PRRC1: variants seen among roughly 807,000 people sequenced by gnomAD.
PRRC1 encodes protein PRRC1.
Under a neutral mutation model 40.7 loss-of-function variants are expected in PRRC1, and 39 were observed. The ratio of observed to expected loss-of-function variants is 0.96; its 90% CI spans 0.74 to 1.25. The LOEUF is 1.25. Ranked by LOEUF, PRRC1 falls within the 50% of genes most tolerant of loss-of-function variation. PRRC1 has a pLI of 0.00. For missense variants in PRRC1, 573 were observed against 548.3 expected (o/e 1.05, Z -0.45); for synonymous variants, 175 against 193.3 (o/e 0.91, Z 0.79).
chr5:127,548,258 T>C (rs773808672), intron 8 of PRRC1: 18 of 479,608 alleles, frequency 3.8e-5, no homozygotes, highest in Non-Finnish European at 5.9e-5. Context: ...TTCCCTTTTA[T>C]CTCACATTTC....
Position 127,530,397 on chromosome 5 carries a change from G to C in PRRC1, c.757+1G>C. 1 of 1,610,614 alleles carries C rather than the reference G, an allele frequency of 6.2e-7. No individual in the cohort carries two copies. Among genetic ancestry groups the C allele is most frequent in the Non-Finnish European group, 8.5e-7 (1 of 1,177,224 alleles). On this transcript the variant is annotated splice_donor_variant, in intron 5 of 8. Coordinates refer to ENST00000296666, the MANE Select transcript of PRRC1 (RefSeq NM_130809.5). LOFTEE classifies it high-confidence loss of function. Reference sequence around the variant, plus strand: ...GACCCTGGCATGGCTCCCTATATCAGTATGTACATAAGTTAGACCGGTATC... The same window carrying C: ...GACCCTGGCATGGCTCCCTATATCACTATGTACATAAGTTAGACCGGTATC...
intron 1 of PRRC1, among the ~76,000 whole-genome samples, chr5:127,518,853 A>G (rs886477106): frequency 2.0e-5 from 3 of 151,948 alleles, no homozygotes; most frequent in African/African-American, 7.3e-5. Flanking sequence ...GTGTTGATAT[A>G]TGAATAGTAC....
chr5:127,540,724 T>C (rs1201368611), intron 7 of PRRC1, among the ~76,000 whole-genome samples: 2 of 152,326 alleles, frequency 1.3e-5, no homozygotes, highest in East Asian at 3.9e-4. Flanking sequence ...TAAAAAGTCA[T>C]CTCTCCATAA....
At chr5:127,540,338 TTA>T (rs1768008154) in intron 7 of PRRC1, among the ~76,000 whole-genome samples, 1 of 152,142 alleles carries the variant, frequency 6.6e-6, no homozygotes, top group Non-Finnish European at 1.5e-5. Context: ...AGTACTACTT[TTA>T]ATACTATTCA....
chr5:127,521,837 T>G (rs970623523), intron 1 of PRRC1, among the ~76,000 whole-genome samples: 1 of 152,170 alleles, frequency 6.6e-6, no homozygotes, highest in African/African-American at 2.4e-5. Context: ...GGACTCTGCC[T>G]TTCTTCCCTT....
In PRRC1 at chr5:127,524,553, T is replaced by C; in HGVS notation, c.126T>C (p.Ser42=). Residue 42 remains serine (S), a synonymous_variant, in exon 3 of 9, where the codon TCT becomes TCC. Coordinates refer to ENST00000296666, the MANE Select transcript of PRRC1 (RefSeq NM_130809.5). ...TAGCGGCAACCAGTTCTTTTTCTTC[T>C]CCAAATGTATCCTCCATGGAGTCCT... The part of the protein sequence containing the change: ...VPLAATSSFS[S]PNVSSMESFP... The C allele has an allele frequency of 1.2e-6, 2 of 1,607,866 alleles. No individual in the cohort carries two copies. Among genetic ancestry groups the C allele is most frequent in the Non-Finnish European group, 1.7e-6 (2 of 1,175,856 alleles).
In PRRC1 at chr5:127,539,086, A is replaced by G. The variant is rs377439385; in HGVS notation, c.968A>G (p.His323Arg). The change falls in exon 7 of 9, where the codon CAT becomes CGT. Residue 323 changes from histidine (H) to arginine (R), a missense_variant. By Grantham distance (29) the His-to-Arg change is conservative. Coordinates refer to ENST00000296666, the MANE Select transcript of PRRC1 (RefSeq NM_130809.5). ...IDSLRRTGVIHEKQTAVSVEN... is the reference protein window; with the variant it reads ...IDSLRRTGVIREKQTAVSVEN... Reference sequence around the variant, plus strand: ...AGCTTGCGTCGAACTGGGGTGATCCATGAAAAACAGACAGCTGTGTCAGTA... The same window carrying G: ...AGCTTGCGTCGAACTGGGGTGATCCGTGAAAAACAGACAGCTGTGTCAGTA... The G allele has an allele frequency of 5.6e-6, 9 of 1,612,936 alleles. No individual in the cohort carries two copies. The highest frequency in any genetic ancestry group is 1.3e-5 in the African/African-American group (1 of 74,882).
chr5:127,549,348 TAATA>T (rs1359827394), intron 8 of PRRC1: 1 of 152,132 alleles, frequency 6.6e-6, no homozygotes, highest in Admixed American at 6.6e-5. Flanking sequence ...TTGGTAAAAT[TAATA>T]AATAAAATTC....
chr5:127,535,941 T>C (rs902362819), intron 6 of PRRC1, among the ~76,000 whole-genome samples: 1 of 152,158 alleles, frequency 6.6e-6, no homozygotes, highest in African/African-American at 2.4e-5. Context: ...AAATAGAATA[T>C]GAAGCCCTTT....
chr5:127,534,773 T>C (rs1024749669), intron 6 of PRRC1, among the ~76,000 whole-genome samples: 3 of 152,194 alleles, frequency 2.0e-5, no homozygotes, highest in African/African-American at 7.2e-5. Context: ...TGTAGACTCT[T>C]GATTTATATA....
At chr5:127,545,219 G>A (rs1768180305) in intron 7 of PRRC1, among the ~76,000 whole-genome samples, 1 of 151,906 alleles carries the variant, frequency 6.6e-6, no homozygotes, top group Admixed American at 6.6e-5. Context: ...CATTGTGGAA[G>A]TCAGTGTGGC....
In PRRC1 at chr5:127,523,570, C is replaced by G. The variant is rs1354856286; in HGVS notation, c.91C>G (p.Pro31Ala). Residue 31 changes from proline (P) to alanine (A), a missense_variant, in exon 2 of 9, where the codon CCT becomes GCT. Pro to Ala is a conservative substitution (Grantham distance 27, BLOSUM62 -1). Transcript: ENST00000296666. ...GLAATAMSST[P>A]VPLAATSSFS... is the part of the protein sequence containing the mutation. The stretch of plus-strand genomic sequence containing the variant: ...GGCTGCTACTGCTATGTCTTCTACC[C>G]CTGTTCCATTAGGTACATGTAGTTG... The G allele has an allele frequency of 5.0e-6, 8 of 1,606,626 alleles. No individual in the cohort carries two copies. Among genetic ancestry groups the G allele is most frequent in the Non-Finnish European group, 6.8e-6 (8 of 1,176,346 alleles).
intron 8 of PRRC1, chr5:127,549,708 G>A (rs535020497): frequency 2.0e-5 from 3 of 152,270 alleles, no homozygotes; most frequent in Middle Eastern, 3.4e-3. Flanking sequence ...AATCTGGCCT[G>A]TCATCTTTTT....
rs544629642 is a variant in PRRC1, at chr5:127,552,171, C to T, written c.*255C>T. 16 of 1,247,952 alleles carry T rather than the reference C, an allele frequency of 1.3e-5. No homozygotes were observed. In the East Asian group the frequency reaches 4.8e-4, roughly 38 times the overall value. The allele number at this position is 1,247,952 out of a possible 1,614,324, so 77.3% of individuals were successfully genotyped here. On this transcript the variant is annotated 3_prime_UTR_variant, in exon 9 of 9. Transcript: ENST00000296666. ...AGAAAATATACAAATCTATTTACAG[C>T]ACAATTTAATATACCAGATTTATAA...
intron 3 of PRRC1, among the ~76,000 whole-genome samples, chr5:127,525,131 T>A (rs1767586112): frequency 6.6e-6 from 1 of 152,184 alleles, no homozygotes; most frequent in South Asian, 2.1e-4. Flanking sequence ...CCCTATACCT[T>A]TTAGCAGTCA....
chr5:127,523,401 C>G, intron 1 of PRRC1, 59 bp from the exon 2 acceptor site: 3 of 748,392 alleles, frequency 4.0e-6, no homozygotes, highest in Non-Finnish European at 6.1e-6. Flanking sequence ...TCTATTCAAG[C>G]TTTAAAAATA....
intron 6 of PRRC1, among the ~76,000 whole-genome samples, chr5:127,537,170 T>A (rs564957646): frequency 6.6e-6 from 1 of 151,988 alleles, no homozygotes; most frequent in Non-Finnish European, 1.5e-5. Flanking sequence ...AAATATAATA[T>A]CTATAAGCAT....
rs1228253207 is a variant in PRRC1, at chr5:127,554,013, A to G, written c.*2097A>G. 17 of 1,050,074 alleles carry G rather than the reference A, an allele frequency of 1.6e-5. No homozygotes were observed. Among genetic ancestry groups the G allele is most frequent in the Non-Finnish European group, 2.0e-5 (15 of 751,514 alleles). The allele number at this position is 1,050,074 out of a possible 1,614,324, so 65.0% of individuals were successfully genotyped here. A position where few individuals can be genotyped will look rare whatever the true frequency, so the allele number is the denominator to read the frequency against. ...GCCCAGAGTTTTTGAAAAGCAGCGGAGCATGACTGACTTCACATGCTCAGC... is the reference window on the plus strand; with the variant it reads ...GCCCAGAGTTTTTGAAAAGCAGCGGGGCATGACTGACTTCACATGCTCAGC... On this transcript the variant is annotated 3_prime_UTR_variant, in exon 9 of 9. Transcript: ENST00000296666.
chr5:127,517,891 C>T (rs887426473), intron 1 of PRRC1, 115 bp downstream of exon 1: 6 of 152,380 alleles, frequency 3.9e-5, no homozygotes, highest in African/African-American at 1.2e-4. Context: ...GTGGGCGGGC[C>T]GGCCGGCGCC....
Sources: gnomAD v4.1 joint callset for allele counts (sites outside exome capture counted in the v4.1 genomes callset) on GRCh38, gnomAD v4.1.1 for gene constraint, MANE v1.5 for transcripts, NCBI Gene and HGNC (gene_info 2026-07-23, HGNC 2026-07-21) for gene names.